Variants in POLD3 observed in about 807,000 individuals in gnomAD.
POLD3 encodes DNA polymerase delta subunit 3.
Under a neutral mutation model 58.2 loss-of-function variants are expected in POLD3, and 19 were observed. The observed-to-expected ratio is 0.33, with a 90% CI of 0.23 to 0.48. POLD3 has a LOEUF of 0.48. Among genes scored for constraint, POLD3 ranks in the 20% least tolerant of loss-of-function variants. POLD3 has a pLI of 0.99. For synonymous variants in POLD3, 172 were observed against 193.5 expected (o/e 0.89, Z 0.92); for missense variants, 504 against 545.5 (o/e 0.92, Z 0.76).
At chr11:74,649,663 TTA>T (rs1250493948) in intron 4 of POLD3, among the ~76,000 whole-genome samples, 1 of 152,156 alleles carries the variant, frequency 6.6e-6, no homozygotes, top group East Asian at 1.9e-4. Context: ...ATAATACATG[TTA>T]TATGTCTTCC....
downstream of POLD3, among the ~76,000 whole-genome samples, chr11:74,647,686 G>T (rs2033016874): frequency 6.6e-6 from 1 of 152,146 alleles, no homozygotes; most frequent in African/African-American, 2.4e-5. Context: ...CAAGTTCTCT[G>T]CCTTCCTGGA....
chr11:74,623,488 G>A (rs1223861418), intron 7 of POLD3, among the ~76,000 whole-genome samples: 1 of 152,122 alleles, frequency 6.6e-6, no homozygotes, highest in East Asian at 1.9e-4. Context: ...GGGCTGGACT[G>A]GGGTTGAGGA....
intron 2 of POLD3, among the ~76,000 whole-genome samples, chr11:74,598,286 A>AT (rs2031350405): frequency 6.6e-6 from 1 of 152,076 alleles, no homozygotes; most frequent in Non-Finnish European, 1.5e-5. Context: ...GTCCAGCATC[A>AT]TTTTTTTGCA....
chr11:74,604,650 TCTTA>T (rs778129311), intron 2 of POLD3, 38 bp from the exon 3 acceptor site: 1 of 1,021,044 alleles, frequency 9.8e-7, no homozygotes, highest in South Asian at 1.3e-5. Context: ...ATGTAAAAAC[TCTTA>T]CTGATGTCTT....
At chr11:74,606,575 A>C (rs1319229894) in intron 3 of POLD3, among the ~76,000 whole-genome samples, 1 of 152,194 alleles carries the variant, frequency 6.6e-6, no homozygotes, top group African/African-American at 2.4e-5. Context: ...GATCTTCTGG[A>C]ATAGGATCCA....
intron 8 of POLD3, among the ~76,000 whole-genome samples, chr11:74,628,652 C>T (rs1263903502): frequency 6.6e-6 from 1 of 152,032 alleles, no homozygotes; most frequent in African/African-American, 2.4e-5. Flanking sequence ...ATATCTCTGC[C>T]TTTGCTCATA....
At chr11:74,667,559 ATTTT>A (rs2033287439) in intron 4 of POLD3, among the ~76,000 whole-genome samples, 2 of 151,844 alleles carry the variant, frequency 1.3e-5, no homozygotes, top group African/African-American at 4.9e-5. Flanking sequence ...TGTCATGAAT[ATTTT>A]ACTGCAATTT....
intron 11 of POLD3, among the ~76,000 whole-genome samples, chr11:74,638,351 A>G (rs1802837097): frequency 6.6e-6 from 1 of 152,160 alleles, no homozygotes; most frequent in Non-Finnish European, 1.5e-5. Flanking sequence ...TCCCCTGAGC[A>G]ATGTCTCACA....
intron 3 of POLD3, among the ~76,000 whole-genome samples, chr11:74,609,370 ATATTTTTTTTTTTTT>A (rs1419180454): frequency 7.2e-4 from 13 of 18,112 alleles, no homozygotes; most frequent in African/African-American, 3.1e-3. Flanking sequence ...ATATATATAT[ATATTTTTTTTTTTTT>A]TTTTTTTTTT....
chr11:74,627,014 T>G (rs1289591106), intron 8 of POLD3, among the ~76,000 whole-genome samples: 1 of 152,186 alleles, frequency 6.6e-6, no homozygotes, highest in South Asian at 2.1e-4. Context: ...CTACTATAAT[T>G]ACTGCACTAT....
chr11:74,618,175 G>A (rs991618936), intron 5 of POLD3, among the ~76,000 whole-genome samples: 1 of 152,088 alleles, frequency 6.6e-6, no homozygotes, highest in East Asian at 1.9e-4. Flanking sequence ...TGAAATTACT[G>A]CATCTTTTAT....
chr11:74,635,987 A>C (rs1194191823), intron 10 of POLD3, among the ~76,000 whole-genome samples: 1 of 152,198 alleles, frequency 6.6e-6, no homozygotes, highest in Non-Finnish European at 1.5e-5. Context: ...TTTCCTTCTT[A>C]TGAACAATGA....
In POLD3 at chr11:74,651,471, C is replaced by G. The variant is rs116889706; in HGVS notation, c.369+15196C>G. Reference sequence around the variant, plus strand: ...ACAAGGCAGAAACAGAACGTGCTCTCAAGGAGTTTTGAAAGAGAGAGACAA... The same window carrying G: ...ACAAGGCAGAAACAGAACGTGCTCTGAAGGAGTTTTGAAAGAGAGAGACAA... On this transcript the variant is annotated intron_variant, in intron 4 of 4. Coordinates refer to the POLD3 transcript ENST00000524752. Among the ~76,000 whole-genome samples the G allele has an allele frequency of 2.7e-3, 413 of 152,174 alleles. 1 individual carries two copies. Among genetic ancestry groups the G allele is most frequent in the South Asian group, 8.3e-3 (40 of 4,814 alleles).
Position 74,592,644 on chromosome 11 carries a change from C to G in POLD3, c.-15C>G, listed in dbSNP as rs201077244. 102 of 1,604,162 alleles carry G rather than the reference C, an allele frequency of 6.4e-5. 1 individual carries two copies. In the African/African-American group the frequency reaches 1.3e-3, roughly 20 times the overall value. ...TGAGAGAGGGGTTAGAGGCGGGTCC[C>G]AGCGCTGCCGCACCATGGCGGACCA... On this transcript the variant is annotated 5_prime_UTR_variant, in exon 1 of 12. Transcript: ENST00000263681.
chr11:74,621,227 G>A (rs2032245395), intron 7 of POLD3, among the ~76,000 whole-genome samples: 2 of 152,154 alleles, frequency 1.3e-5, no homozygotes, highest in Admixed American at 6.5e-5. Flanking sequence ...AAATGAGCAA[G>A]CGTTATTATG....
At chr11:74,609,701 T>C (rs1019350302) in intron 3 of POLD3, among the ~76,000 whole-genome samples, 3 of 152,050 alleles carry the variant, frequency 2.0e-5, no homozygotes, top group Non-Finnish European at 4.4e-5. Context: ...ATTTTTAATA[T>C]AAGAAAATAT....
At chr11:74,640,088 T>G (rs969626819) in intron 11 of POLD3, among the ~76,000 whole-genome samples, 8 of 152,160 alleles carry the variant, frequency 5.3e-5, no homozygotes, top group Admixed American at 2.0e-4. Context: ...TTAAACAGAA[T>G]GGAGGCAGGC....
intron 4 of POLD3, chr11:74,652,807 C>G: frequency 6.0e-6 from 1 of 165,964 alleles, no homozygotes; most frequent in South Asian, 1.6e-4. Flanking sequence ...AGTTTGTTGC[C>G]ATGCTTGCCC....
At position 74,625,671 on chromosome 11, in the gene POLD3, A is replaced by G. The variant is rs1005899544; in HGVS notation, c.899+98A>G. 1.3e-5 allele frequency: 12 copies of G among 943,836 alleles called. No homozygotes were observed. In the African/African-American group the frequency reaches 1.7e-4, roughly 13 times the overall value. 58.5% of individuals were successfully genotyped at this position (943,836 alleles called of 1,614,324 possible). ...AGCAGGCAGTTTTCAGTTAAGTACT[A>G]AATCCTACTTAATGCCTAAGGGATA... On this transcript the variant is annotated intron_variant, in intron 8 of 11. Transcript: ENST00000263681.
Sources: gnomAD v4.1 joint callset for allele counts (sites outside exome capture counted in the v4.1 genomes callset) on GRCh38, gnomAD v4.1.1 for gene constraint, MANE v1.5 for transcripts, NCBI Gene and HGNC (gene_info 2026-07-23, HGNC 2026-07-21) for gene names.